UBE2E2: variants seen among roughly 807,000 people sequenced by gnomAD.
The protein encoded by UBE2E2 is ubiquitin-conjugating enzyme E2 E2.
In UBE2E2, 6 loss-of-function variants were observed where a neutral mutation model predicts 24.7. The ratio of observed to expected loss-of-function variants is 0.24; its 90% CI spans 0.13 to 0.48. UBE2E2 has a LOEUF of 0.48. UBE2E2 is among the 20% of genes least tolerant of loss of function. UBE2E2 has a pLI of 0.99. For missense variants in UBE2E2, 169 were observed against 245.0 expected (o/e 0.69, Z 2.07); for synonymous variants, 104 against 83.6 (o/e 1.24, Z -1.33).
chr3:23,586,341 C>T (rs535728050), intron 5 of UBE2E2, among the ~76,000 whole-genome samples: 1 of 152,274 alleles, frequency 6.6e-6, no homozygotes, highest in East Asian at 1.9e-4. Flanking sequence ...GTCACCCAGG[C>T]TGGAGTGTGG....
chr3:23,411,120 C>T (rs1266841720), intron 3 of UBE2E2, among the ~76,000 whole-genome samples: 1 of 152,168 alleles, frequency 6.6e-6, no homozygotes, highest in Admixed American at 6.5e-5. Context: ...TAGGAAAGGG[C>T]AAGACAATGT....
intron 5 of UBE2E2, among the ~76,000 whole-genome samples, chr3:23,547,338 C>T (rs370070548): frequency 6.6e-6 from 1 of 152,172 alleles, no homozygotes; most frequent in Admixed American, 6.6e-5. Context: ...TGTGTCTTTT[C>T]CACCATTTAA....
chr3:23,455,951 T>C (rs1263045452), intron 3 of UBE2E2, among the ~76,000 whole-genome samples: 1 of 152,236 alleles, frequency 6.6e-6, no homozygotes, highest in Non-Finnish European at 1.5e-5. Context: ...GGCAGTATTT[T>C]ACCCACAATG....
chr3:23,569,973 C>T (rs543132495), intron 5 of UBE2E2, among the ~76,000 whole-genome samples: 1 of 152,132 alleles, frequency 6.6e-6, no homozygotes, highest in Admixed American at 6.6e-5. Context: ...TTTGTGGAAT[C>T]TTGCTTTTCT....
chr3:23,457,772 C>G (rs1268090263), intron 3 of UBE2E2, among the ~76,000 whole-genome samples: 1 of 152,188 alleles, frequency 6.6e-6, no homozygotes, highest in Non-Finnish European at 1.5e-5. Flanking sequence ...AGGAAGACTG[C>G]TTTTTCCTTT....
chr3:23,532,474 T>C, intron 4 of UBE2E2, 80 bp from the exon 5 acceptor site: 1 of 1,320,936 alleles, frequency 7.6e-7, no homozygotes, highest in East Asian at 2.5e-5. Flanking sequence ...AAATAGGCAA[T>C]TTTATTAGAC....
At chr3:23,402,744 A>G (rs970979774) in intron 3 of UBE2E2, among the ~76,000 whole-genome samples, 24 of 108,620 alleles carry the variant, frequency 2.2e-4, no homozygotes, top group African/African-American at 7.1e-4. Context: ...GCAGTAGTAC[A>G]AAGTCTCATT....
chr3:23,428,928 TAAAAA>T lies in UBE2E2; in HGVS notation c.228-70660_228-70656del, dbSNP rs34525850. Among the ~76,000 whole-genome samples, 233 of 75,892 alleles carry T rather than the reference TAAAAA, an allele frequency of 3.1e-3. 1 individual carries two copies. The highest frequency in any genetic ancestry group is 0.012 in the African/African-American group (220 of 18,278). The allele number at this position is 75,892 out of a possible 152,430, so 49.8% of individuals were successfully genotyped here. Reference sequence around the variant, plus strand: ...GGCAACAAAGTGAGACTCTGTCTCTTAAAAAAAAAAAAAAAAAAAAAAAAGAATTG... The same window carrying T: ...GGCAACAAAGTGAGACTCTGTCTCTTAAAAAAAAAAAAAAAAAAAGAATTG... On this transcript the variant is annotated intron_variant, in intron 3 of 5. Transcript: ENST00000396703.
intron 3 of UBE2E2, among the ~76,000 whole-genome samples, chr3:23,310,794 C>T (rs1170410195): frequency 2.0e-5 from 3 of 152,066 alleles, no homozygotes; most frequent in African/African-American, 4.8e-5. Context: ...AGTGTGAAAG[C>T]AGAGCTGTGT....
chr3:23,420,154 G>A (rs188338231), intron 3 of UBE2E2, among the ~76,000 whole-genome samples: 1 of 152,254 alleles, frequency 6.6e-6, no homozygotes, highest in East Asian at 1.9e-4. Flanking sequence ...TATTGTTTCA[G>A]TTATCTGCTA....
At chr3:23,210,973 T>A (rs560897545) in intron 2 of UBE2E2, among the ~76,000 whole-genome samples, 2 of 152,304 alleles carry the variant, frequency 1.3e-5, no homozygotes, top group South Asian at 4.1e-4. Context: ...TCTCTCTTCC[T>A]CCAATTCAGC....
At chr3:23,244,316 T>C (rs1162478868) in intron 3 of UBE2E2, among the ~76,000 whole-genome samples, 2 of 151,876 alleles carry the variant, frequency 1.3e-5, no homozygotes, top group Non-Finnish European at 2.9e-5. Flanking sequence ...CATATTTGCA[T>C]ACATTATTTA....
At chr3:23,259,355 T>A (rs1418528020) in intron 3 of UBE2E2, among the ~76,000 whole-genome samples, 3 of 152,184 alleles carry the variant, frequency 2.0e-5, no homozygotes, top group African/African-American at 7.2e-5. Context: ...GGCAAGAGGT[T>A]AGGTTTTTTT....
At chr3:23,394,287 T>C (rs1476054635) in intron 3 of UBE2E2, among the ~76,000 whole-genome samples, 1 of 152,234 alleles carries the variant, frequency 6.6e-6, no homozygotes, top group East Asian at 1.9e-4. Context: ...ATATTTATTT[T>C]ATACAGTGAT....
intron 3 of UBE2E2, among the ~76,000 whole-genome samples, chr3:23,340,752 T>C (rs9681506): frequency 0.041 from 6,239 of 152,178 alleles, 441 homozygotes; most frequent in African/African-American, 0.14. Flanking sequence ...CTGGGAGCAA[T>C]AGGTGTGTTT....
chr3:23,303,161 A>G (rs1302573612), intron 3 of UBE2E2, among the ~76,000 whole-genome samples: 2 of 152,050 alleles, frequency 1.3e-5, no homozygotes, highest in Non-Finnish European at 2.9e-5. Context: ...GCTCCTTATT[A>G]GAATCTAATG....
chr3:23,391,216 T>C (rs1272468181), intron 3 of UBE2E2, among the ~76,000 whole-genome samples: 1 of 152,218 alleles, frequency 6.6e-6, no homozygotes, highest in Non-Finnish European at 1.5e-5. Flanking sequence ...GGAGTTCTTA[T>C]CTACATTATA....
Position 23,566,255 on chromosome 3 carries a change from A to G in UBE2E2, c.509-23479A>G, listed in dbSNP as rs183676312. On this transcript the variant is annotated intron_variant, in intron 5 of 5. Transcript: ENST00000396703. The stretch of plus-strand genomic sequence containing the variant: ...ATTGAAAAATACAATTTAATAGGCT[A>G]AAATGCATTTGGGACATCAAGTTAT... Among the ~76,000 whole-genome samples the G allele has an allele frequency of 9.8e-4, 149 of 152,340 alleles. 3 individuals are homozygous for G. In the South Asian group the frequency reaches 0.025, roughly 26 times the overall value.
At chr3:23,547,103 G>A (rs1695542462) in intron 5 of UBE2E2, among the ~76,000 whole-genome samples, 2 of 152,162 alleles carry the variant, frequency 1.3e-5, no homozygotes, top group South Asian at 2.1e-4. Flanking sequence ...TTTGCTTATG[G>A]TAGGATCAAG....
Sources: allele counts gnomAD v4.1 joint callset (sites outside exome capture counted in the v4.1 genomes callset), GRCh38; gene constraint gnomAD v4.1.1; transcripts MANE v1.5; gene names NCBI Gene and HGNC (gene_info 2026-07-23, HGNC 2026-07-21).